The following ABL1 variants were observed in gnomAD, a reference collection of about 807,000 sequenced individuals.
The protein encoded by ABL1 is ABL proto-oncogene 1, non-receptor tyrosine kinase.
Under a neutral mutation model 94.7 loss-of-function variants are expected in ABL1, and 11 were observed. The observed-to-expected ratio is 0.12, with a 90% CI of 0.07 to 0.19. The LOEUF (loss-of-function observed/expected upper bound fraction) is 0.19. Ranked by LOEUF, ABL1 falls within the 10% of genes least tolerant of loss-of-function variation. The pLI, the probability that ABL1 is intolerant of heterozygous loss-of-function variation, is 1.00. For synonymous variants in ABL1, 656 were observed against 622.4 expected, an observed-to-expected ratio of 1.05 and a Z score of -0.80; for missense variants, 1,082 against 1,489.4, an observed-to-expected ratio of 0.73 and a Z score of 4.50.
At chr9:130,775,610 A>G (rs772134681) in intron 1 of ABL1, among the ~76,000 whole-genome samples, 1 of 152,164 alleles carries the variant, frequency 6.6e-6, no homozygotes, top group Non-Finnish European at 1.5e-5. Flanking sequence ...ATATAAGCCT[A>G]TAAGGAGAGA....
At chr9:130,785,441 G>A (rs1287485596) in intron 1 of ABL1, among the ~76,000 whole-genome samples, 1 of 152,134 alleles carries the variant, frequency 6.6e-6, no homozygotes, top group East Asian at 1.9e-4. Flanking sequence ...GTGGAGCTGT[G>A]CCCTTTCTGA....
At chr9:130,725,036 C>A in intron 1 of ABL1, 1 of 221,874 alleles carries the variant, frequency 4.5e-6, no homozygotes, top group Non-Finnish European at 9.5e-6. Flanking sequence ...CAAACGATAA[C>A]GTTCCCTTTG....
intron 1 of ABL1, among the ~76,000 whole-genome samples, chr9:130,754,377 G>A (rs1294184315): frequency 2.7e-5 from 4 of 150,218 alleles, no homozygotes; most frequent in Non-Finnish European, 3.0e-5. Flanking sequence ...GCGTGGTGGC[G>A]GGCACCTGTA....
chr9:130,752,795 C>A (rs562129882), intron 1 of ABL1, among the ~76,000 whole-genome samples: 1 of 151,666 alleles, frequency 6.6e-6, no homozygotes, highest in Non-Finnish European at 1.5e-5. Context: ...CCCGTCCCTA[C>A]TAAAAATACA....
Position 130,863,901 on chromosome 9 carries a change from G to T in ABL1, c.822+866G>T, listed in dbSNP as rs932057594. Among the ~76,000 whole-genome samples the T allele has an allele frequency of 6.6e-6, 1 of 152,134 alleles. No individual in the cohort carries two copies. The highest frequency in any genetic ancestry group is 2.4e-5 in the African/African-American group (1 of 41,416). On this transcript the variant is annotated intron_variant, in intron 4 of 10. Transcript: ENST00000318560. The surrounding 1 kb of genome is among the most constrained non-coding windows in gnomAD (Gnocchi z 4.3). ...GCCCCTTTTTAGAGCTGTTAGAAAA[G>T]AACTGAAACATCCACCTCTGGGAAA...
intron 1 of ABL1, among the ~76,000 whole-genome samples, chr9:130,766,717 A>G (rs1832188413): frequency 6.6e-6 from 1 of 152,046 alleles, no homozygotes; most frequent in Non-Finnish European, 1.5e-5. Flanking sequence ...AGTGCCTAGA[A>G]TAAACCTCAC....
intron 1 of ABL1, among the ~76,000 whole-genome samples, chr9:130,767,081 C>A (rs983000538): frequency 3.3e-5 from 5 of 152,122 alleles, no homozygotes; most frequent in Admixed American, 1.3e-4. Flanking sequence ...TGGTGCCTGG[C>A]TCTTTCAGAC....
intron 1 of ABL1, among the ~76,000 whole-genome samples, chr9:130,735,806 G>A (rs1831727632): frequency 6.6e-6 from 1 of 151,338 alleles, no homozygotes; most frequent in Non-Finnish European, 1.5e-5. Flanking sequence ...TCGGGGCACT[G>A]GGTTTAAGGG....
intron 1 of ABL1, among the ~76,000 whole-genome samples, chr9:130,792,508 A>G (rs551542894): frequency 6.6e-6 from 1 of 151,750 alleles, no homozygotes; most frequent in African/African-American, 2.4e-5. Context: ...CCCTTTCTCC[A>G]TGACACACCA....
At chr9:130,734,409 GT>G (rs1223742405) in intron 1 of ABL1, among the ~76,000 whole-genome samples, 2 of 150,166 alleles carry the variant, frequency 1.3e-5, no homozygotes, top group Non-Finnish European at 3.0e-5. Flanking sequence ...TAGAGACAGG[GT>G]TTCACCGTGT....
chr9:130,879,980 T>C, intron 8 of ABL1, 88 bp from the exon 9 acceptor site: 2 of 1,259,336 alleles, frequency 1.6e-6, no homozygotes, highest in Non-Finnish European at 1.2e-6. Flanking sequence ...GAATGTTGCT[T>C]TCATTCTAGA....
chr9:130,726,510 C>T (rs1435099555), intron 1 of ABL1, among the ~76,000 whole-genome samples: 1 of 152,216 alleles, frequency 6.6e-6, no homozygotes, highest in African/African-American at 2.4e-5. Flanking sequence ...TTCTCTCTCA[C>T]ACACACCTTT....
At chr9:130,845,466 C>T (rs992651100) in intron 1 of ABL1, among the ~76,000 whole-genome samples, 29 of 152,014 alleles carry the variant, frequency 1.9e-4, no homozygotes, top group African/African-American at 5.3e-4. Context: ...CTCAGCCTCC[C>T]GAGTAGCTGG....
chr9:130,871,073 C>G (rs1424437328), intron 4 of ABL1, among the ~76,000 whole-genome samples: 2 of 152,206 alleles, frequency 1.3e-5, no homozygotes, highest in African/African-American at 4.8e-5. Flanking sequence ...AATTTTTAAG[C>G]CATTCACTCT....
Position 130,884,267 on chromosome 9 carries a change from C to T in ABL1, c.1977C>T (p.Ser659=). 1 of 1,599,000 alleles carries T rather than the reference C, an allele frequency of 6.3e-7. No homozygotes were observed. Among genetic ancestry groups the T allele is most frequent in the East Asian group, 2.2e-5 (1 of 44,686 alleles). The change falls in exon 11 of 11, where the codon TCC becomes TCT. Residue 659 remains serine (S), a synonymous_variant. Transcript: ENST00000318560. This position sits in a 1 kb window ranked among gnomAD's most constrained non-coding sequence, Gnocchi z 5.6. Reference sequence around the variant, plus strand: ...TGGACACAGCTGACCCAGCCAAGTCCCCAAAGCCCAGCAATGGGGCTGGGG... The same window carrying T: ...TGGACACAGCTGACCCAGCCAAGTCTCCAAAGCCCAGCAATGGGGCTGGGG... The part of the protein sequence containing the change: ...TPLDTADPAK[S]PKPSNGAGVP...
At chr9:130,850,335 T>G (rs761381277) in intron 1 of ABL1, among the ~76,000 whole-genome samples, 2 of 151,602 alleles carry the variant, frequency 1.3e-5, no homozygotes, top group Non-Finnish European at 2.9e-5. Flanking sequence ...AGTAAATGAT[T>G]GGAATGAATT....
chr9:130,859,882 T>A (rs11244163), intron 3 of ABL1, among the ~76,000 whole-genome samples: 18 of 151,982 alleles, frequency 1.2e-4, no homozygotes, highest in Non-Finnish European at 2.1e-4. Context: ...GGTTTCACCA[T>A]GTTGGCCAGG....
chr9:130,744,575 A>G (rs1250922649), intron 1 of ABL1, among the ~76,000 whole-genome samples: 2 of 150,748 alleles, frequency 1.3e-5, no homozygotes, highest in African/African-American at 4.9e-5. Context: ...TTTTCTGGCC[A>G]GGCGCAGTGG....
chr9:130,721,340 C>T (rs989717264), intron 1 of ABL1, among the ~76,000 whole-genome samples: 5 of 150,792 alleles, frequency 3.3e-5, no homozygotes, highest in South Asian at 4.2e-4. Context: ...ATCATGCCAC[C>T]GCACTCCAGC....
Sources: gnomAD v4.1 joint callset for allele counts (sites outside exome capture counted in the v4.1 genomes callset) on GRCh38, gnomAD v4.1.1 for gene constraint, Gnocchi (gnomAD v3.1) non-coding constraint, MANE v1.5 for transcripts, NCBI Gene and HGNC (gene_info 2026-07-23, HGNC 2026-07-21) for gene names.